Variants in SH3PXD2A observed in about 807,000 individuals in gnomAD.
SH3PXD2A encodes SH3 and PX domains 2A, also known as SH3 and PX domain-containing protein 2A.
SH3PXD2A carries 32 observed loss-of-function variants against 115.2 expected under a neutral mutation model. That is an observed-to-expected ratio of 0.28 (90% CI 0.21 to 0.37). The LOEUF (loss-of-function observed/expected upper bound fraction) is 0.37. SH3PXD2A is among the 10% of genes least tolerant of loss of function. The probability of loss-of-function intolerance (pLI) is 1.00; values close to 1 mark genes in which losing one functional copy is unlikely to be tolerated. For missense variants in SH3PXD2A, 1,328 were observed against 1,498.7 expected (o/e 0.89, Z 1.88); for synonymous variants, 610 against 629.1 (o/e 0.97, Z 0.45).
chr10:103,792,762 C>T (rs1433859887), intron 2 of SH3PXD2A, among the ~76,000 whole-genome samples: 1 of 152,200 alleles, frequency 6.6e-6, no homozygotes, highest in Non-Finnish European at 1.5e-5. Flanking sequence ...CAAGAACCCC[C>T]ACCCAACTGC....
chr10:103,724,422 G>T, intron 4 of SH3PXD2A, 61 bp from the exon 5 acceptor site: 1 of 991,052 alleles, frequency 1.0e-6, no homozygotes, highest in Non-Finnish European at 1.5e-6. Context: ...GGAAAACCAA[G>T]ACAGTGTCAC....
At chr10:103,737,594 C>G (rs370784157) in intron 3 of SH3PXD2A, among the ~76,000 whole-genome samples, 2 of 152,198 alleles carry the variant, frequency 1.3e-5, no homozygotes, top group East Asian at 3.9e-4. Flanking sequence ...TGCTGGGGGG[C>G]TCCAGGAGAT....
At position 103,603,574 on chromosome 10, in the gene SH3PXD2A, C is replaced by T. The variant is rs144430411; in HGVS notation, c.1644G>A (p.Pro548=). Residue 548 remains proline, a synonymous_variant, in exon 15 of 15, where the codon CCG becomes CCA. Transcript: ENST00000369774. Reference sequence around the variant, plus strand: ...CAGGCTCCTCATACTTGAGCTTCCGCGGGGAGTCCTGGCTCTCACTGGCCC... The same window carrying T: ...CAGGCTCCTCATACTTGAGCTTCCGTGGGGAGTCCTGGCTCTCACTGGCCC... ...PTGASESQDS[P]RKLKYEEPEY... The T allele has an allele frequency of 7.4e-6, 12 of 1,610,754 alleles. No individual in the cohort carries two copies. The highest frequency in any genetic ancestry group is 6.7e-5 in the African/African-American group (5 of 74,856).
chr10:103,727,189 C>G (rs1589431441), intron 4 of SH3PXD2A, among the ~76,000 whole-genome samples: 5 of 152,282 alleles, frequency 3.3e-5, no homozygotes, highest in African/African-American at 1.2e-4. Context: ...GACACTGAGG[C>G]TGCTGGGGGT....
intron 5 of SH3PXD2A, among the ~76,000 whole-genome samples, chr10:103,712,286 C>T (rs753696882): frequency 2.0e-4 from 31 of 152,208 alleles, no homozygotes; most frequent in East Asian, 1.2e-3. Flanking sequence ...AGCCATGCTC[C>T]GGGCCACATG....
rs190028051 is a variant in SH3PXD2A at position 103,600,566 on chromosome 10, C to G, written c.*1250G>C. On this transcript the variant is annotated 3_prime_UTR_variant, in exon 15 of 15. Coordinates refer to ENST00000369774, the MANE Select transcript of SH3PXD2A (RefSeq NM_001394015.1). ...CAGCCCTGCCCAGCTGGGGAACACA[C>G]GCAGAATGGCGGTCACCCAGCAGGC... 4.0e-4 allele frequency: 61 copies of G among 152,370 alleles called. No homozygotes were observed. Among genetic ancestry groups the G allele is most frequent in the Middle Eastern group, 3.4e-3 (1 of 294 alleles). 9.4% of individuals were successfully genotyped at this position (152,370 alleles called of 1,614,324 possible).
Position 103,638,612 on chromosome 10 carries a change from T to C in SH3PXD2A, c.605-11410A>G, listed in dbSNP as rs2036901622. Among the ~76,000 whole-genome samples, 4 of 152,364 alleles carry C rather than the reference T, an allele frequency of 2.6e-5. No homozygotes were observed. In the South Asian group the frequency reaches 8.3e-4, roughly 32 times the overall value. ...CTCTGCTACTTGCCAGCTGCATGAA[T>C]TTGGGCAATTGCCTCAATTTTCTCA... On this transcript the variant is annotated intron_variant, in intron 8 of 14. Coordinates refer to ENST00000369774, the MANE Select transcript of SH3PXD2A (RefSeq NM_001394015.1).
At chr10:103,839,293 G>C (rs1228191733) in intron 1 of SH3PXD2A, among the ~76,000 whole-genome samples, 1 of 152,154 alleles carries the variant, frequency 6.6e-6, no homozygotes, top group East Asian at 1.9e-4. Flanking sequence ...TAGCTCGGTA[G>C]TACAGACCCA....
In SH3PXD2A at chr10:103,737,662, GT is replaced by G. The variant is rs1357425098; in HGVS notation, c.230-1855del. Among the ~76,000 whole-genome samples the G allele has an allele frequency of 2.6e-5, 4 of 152,358 alleles. No individual in the cohort carries two copies. In the East Asian group the frequency reaches 5.8e-4, roughly 22 times the overall value. ...GGATCTACCCACCAACTCCCTGTTTGTCACTGAGGACTGCCTCTGAGGGCGT... is the reference window on the plus strand; with the variant it reads ...GGATCTACCCACCAACTCCCTGTTTGCACTGAGGACTGCCTCTGAGGGCGT... On this transcript the variant is annotated intron_variant, in intron 3 of 14. Transcript: ENST00000369774.
intron 2 of SH3PXD2A, among the ~76,000 whole-genome samples, chr10:103,792,742 C>T (rs1026714126): frequency 2.0e-5 from 3 of 152,178 alleles, no homozygotes; most frequent in East Asian, 1.9e-4. Context: ...AGTACAGTTT[C>T]GTCATGACAC....
At chr10:103,849,108 C>A (rs1326988510) in intron 1 of SH3PXD2A, among the ~76,000 whole-genome samples, 1 of 151,960 alleles carries the variant, frequency 6.6e-6, no homozygotes, top group Non-Finnish European at 1.5e-5. Flanking sequence ...GACAACACAG[C>A]CTCCCAGGTG....
In SH3PXD2A at chr10:103,602,452, T is replaced by C. The variant is rs4917396; in HGVS notation, c.2766A>G (p.Lys922=). 0.8 allele frequency: 1,285,286 copies of C among 1,614,010 alleles called. 515,401 individuals carry two copies. Among genetic ancestry groups the C allele is most frequent in the East Asian group, 1 (44,824 of 44,862 alleles). Residue 922 remains lysine (K), a synonymous_variant, in exon 15 of 15, where the codon AAA becomes AAG. Transcript: ENST00000369774. ...VPAKGRQNEG[K]SDSLEKIERR... ...TCTCGATCTTCTCCAGGCTGTCTGA[T>C]TTGCCTTCGTTCTGCCTGCCCTTGG... is the stretch of plus-strand genomic sequence containing the variant.
intron 5 of SH3PXD2A, among the ~76,000 whole-genome samples, chr10:103,709,459 C>T (rs910180118): frequency 6.6e-6 from 1 of 152,178 alleles, no homozygotes. Flanking sequence ...TGGGACACAG[C>T]AAGGATGGAA....
intron 11 of SH3PXD2A, among the ~76,000 whole-genome samples, chr10:103,616,264 A>G (rs145978079): frequency 0.014 from 2,056 of 152,292 alleles, 14 homozygotes; most frequent in Middle Eastern, 0.027. Flanking sequence ...CCTAGAATGC[A>G]TGTCCTGCCC....
At chr10:103,607,483 G>A (rs934197160) in intron 13 of SH3PXD2A, among the ~76,000 whole-genome samples, 2 of 151,624 alleles carry the variant, frequency 1.3e-5, no homozygotes, top group African/African-American at 4.8e-5. Flanking sequence ...ACTGGGAGGT[G>A]AGGAGCCCCT....
In SH3PXD2A at chr10:103,622,526, C is replaced by T. The variant is rs893064778; in HGVS notation, c.746G>A (p.Arg249Gln). 1.1e-5 allele frequency: 17 copies of T among 1,550,242 alleles called. No individual in the cohort carries two copies. Among genetic ancestry groups the T allele is most frequent in the Middle Eastern group, 1.7e-4 (1 of 6,012 alleles). Residue 249 changes from arginine to glutamine, a missense_variant, in exon 10 of 15, where the codon CGG becomes CAG. By Grantham distance (43) the Arg-to-Gln change is conservative. Coordinates refer to ENST00000369774, the MANE Select transcript of SH3PXD2A (RefSeq NM_001394015.1). ...CAGGGTCCACCGGCGATCCAGGCGC[C>T]GCAGATGGGCCTTGCGTCTCTTGGA... ...EVSKRRKAHL[R>Q]RLDRRWTLGG...
chr10:103,649,229 A>G (rs1331450531), intron 8 of SH3PXD2A, among the ~76,000 whole-genome samples: 1 of 152,140 alleles, frequency 6.6e-6, no homozygotes, highest in Non-Finnish European at 1.5e-5. Context: ...GGGAATGGGG[A>G]AGCTTGGTAT....
intron 5 of SH3PXD2A, among the ~76,000 whole-genome samples, chr10:103,705,492 C>G (rs2037970268): frequency 6.6e-6 from 1 of 152,208 alleles, no homozygotes; most frequent in Non-Finnish European, 1.5e-5. Context: ...CACACATCAG[C>G]TCATTTTATC....
At chr10:103,821,681 C>G (rs1179058482) in intron 1 of SH3PXD2A, among the ~76,000 whole-genome samples, 1 of 151,554 alleles carries the variant, frequency 6.6e-6, no homozygotes, top group African/African-American at 2.4e-5. Context: ...GCTCCCCTGC[C>G]CCCCACCACC....
Sources: gnomAD v4.1 joint callset for allele counts (sites outside exome capture counted in the v4.1 genomes callset) on GRCh38, gnomAD v4.1.1 for gene constraint, MANE v1.5 for transcripts, NCBI Gene and HGNC (gene_info 2026-07-23, HGNC 2026-07-21) for gene names.